CNTNAP2: variants seen among roughly 807,000 people sequenced by gnomAD.
The protein encoded by CNTNAP2 is contactin associated protein 2.
In CNTNAP2, 98 loss-of-function variants were observed where a neutral mutation model predicts 155.2. The observed-to-expected ratio is 0.63, with a 90% CI of 0.54 to 0.75. The LOEUF (loss-of-function observed/expected upper bound fraction) is 0.75, where lower values mean the gene tolerates loss of function less well. Among genes scored for constraint, CNTNAP2 ranks in the 30% least tolerant of loss-of-function variants. CNTNAP2 has a pLI of 0.00. For missense variants in CNTNAP2, 1,727 were observed against 1,688.1 expected (o/e 1.02, Z -0.40); for synonymous variants, 651 against 631.2 (o/e 1.03, Z -0.47).
chr7:147,839,228 C>G (rs1563106853), intron 13 of CNTNAP2, among the ~76,000 whole-genome samples: 1 of 152,148 alleles, frequency 6.6e-6, no homozygotes. Context: ...TTCCCCAGTC[C>G]ATTGACTCAA....
chr7:146,895,270 T>G (rs1795852541), intron 3 of CNTNAP2, among the ~76,000 whole-genome samples: 1 of 137,224 alleles, frequency 7.3e-6, no homozygotes, highest in South Asian at 2.4e-4. Context: ...TTCCCCTTCC[T>G]TCTTTCCTTC....
chr7:146,855,852 T>TAC (rs1216766767), intron 3 of CNTNAP2, among the ~76,000 whole-genome samples: 1,571 of 99,574 alleles, frequency 0.016, 20 homozygotes, highest in Middle Eastern at 0.031. Flanking sequence ...TATATATATA[T>TAC]ACACACTTAC....
Position 146,774,325 on chromosome 7 carries a change from C to A in CNTNAP2, c.152C>A (p.Ser51Tyr). Residue 51 changes from serine (S) to tyrosine (Y), a missense_variant, in exon 2 of 24, where the codon TCC becomes TAC. Physicochemically the swap from Ser to Tyr is moderately radical, Grantham distance 144. Transcript: ENST00000361727. ...SGLPHVAFSSSSSISGSYSPG... is the reference protein window; with the variant it reads ...SGLPHVAFSSYSSISGSYSPG... The stretch of plus-strand genomic sequence containing the variant: ...CTCCCCCATGTGGCTTTCAGCAGCT[C>A]CTCCTCCATCTCTGGTAGCTATTCT... 6.2e-7 allele frequency: 1 copy of A among 1,614,002 alleles called. No homozygotes were observed. The highest frequency in any genetic ancestry group is 8.5e-7 in the Non-Finnish European group (1 of 1,179,958).
intron 1 of CNTNAP2, among the ~76,000 whole-genome samples, chr7:146,270,679 T>G (rs1800067606): frequency 6.6e-6 from 1 of 152,296 alleles, no homozygotes; most frequent in Middle Eastern, 3.4e-3. Flanking sequence ...GACCAAAGAT[T>G]ATCTACCACT....
At chr7:147,203,783 A>G (rs1449903786) in intron 8 of CNTNAP2, among the ~76,000 whole-genome samples, 1 of 152,198 alleles carries the variant, frequency 6.6e-6, no homozygotes, top group Non-Finnish European at 1.5e-5. Flanking sequence ...TGAACTATGT[A>G]TACCTGACAC....
At chr7:146,487,138 A>G (rs982419841) in intron 1 of CNTNAP2, among the ~76,000 whole-genome samples, 3 of 152,326 alleles carry the variant, frequency 2.0e-5, no homozygotes, top group Middle Eastern at 3.4e-3. Flanking sequence ...TCTCATTGAA[A>G]TAAGTCATTG....
chr7:146,931,992 G>T (rs1331998029), intron 3 of CNTNAP2, among the ~76,000 whole-genome samples: 1 of 151,020 alleles, frequency 6.6e-6, no homozygotes, highest in Non-Finnish European at 1.5e-5. Flanking sequence ...ATTCACAGCC[G>T]AATTCTACCA....
chr7:148,325,885 A>G (rs905271576), intron 21 of CNTNAP2, among the ~76,000 whole-genome samples: 1 of 152,184 alleles, frequency 6.6e-6, no homozygotes, highest in Non-Finnish European at 1.5e-5. Context: ...GGAAGGGGAA[A>G]GAGAGAGGTT....
At chr7:147,486,609 T>C (rs1376389814) in intron 11 of CNTNAP2, among the ~76,000 whole-genome samples, 1 of 152,066 alleles carries the variant, frequency 6.6e-6, no homozygotes, top group Admixed American at 6.5e-5. Flanking sequence ...TATTTTAAAA[T>C]GGCAAAAATA....
At chr7:146,448,410 TA>T (rs1796432459) in intron 1 of CNTNAP2, among the ~76,000 whole-genome samples, 1 of 151,970 alleles carries the variant, frequency 6.6e-6, no homozygotes, top group Admixed American at 6.6e-5. Flanking sequence ...TTTAACTTTT[TA>T]AAGTTATTTT....
chr7:148,286,884 T>C (rs1797093651), intron 21 of CNTNAP2, among the ~76,000 whole-genome samples: 1 of 152,214 alleles, frequency 6.6e-6, no homozygotes, highest in Admixed American at 6.5e-5. Flanking sequence ...ACATAGTTTC[T>C]CTTCTTATTA....
intron 3 of CNTNAP2, among the ~76,000 whole-genome samples, chr7:146,887,147 TG>T (rs1459322063): frequency 1.3e-5 from 2 of 151,930 alleles, no homozygotes; most frequent in African/African-American, 4.8e-5. Flanking sequence ...ATAGTTTTTT[TG>T]TTTGTTTGTT....
At chr7:146,913,088 A>G (rs1270876217) in intron 3 of CNTNAP2, among the ~76,000 whole-genome samples, 2 of 152,198 alleles carry the variant, frequency 1.3e-5, no homozygotes, top group East Asian at 3.8e-4. Flanking sequence ...ATTCTGGGTT[A>G]GATAAATCAG....
rs762988199 is a variant in CNTNAP2 at position 146,886,321 on chromosome 7, TCTCA to T, written c.402+46420_402+46423del. ...TATCTTTATACCAAGATAGCACCAA[TCTCA>T]CTTTCAAAGCTGCCAAAATTTGCCC... On this transcript the variant is annotated intron_variant, in intron 3 of 23. Coordinates refer to ENST00000361727, the MANE Select transcript of CNTNAP2 (RefSeq NM_014141.6). 2.3e-4 allele frequency among the ~76,000 whole-genome samples: 35 copies of T among 150,512 alleles called. 2 individuals are homozygous for T. Among genetic ancestry groups the T allele is most frequent in the Admixed American group, 1.4e-3 (21 of 15,074 alleles).
chr7:147,355,306 A>C (rs533214813), intron 9 of CNTNAP2, among the ~76,000 whole-genome samples: 1 of 152,272 alleles, frequency 6.6e-6, no homozygotes, highest in African/African-American at 2.4e-5. Flanking sequence ...TGAGAGGGAA[A>C]TTTATAGCAC....
At chr7:147,056,040 T>C (rs1799555142) in intron 4 of CNTNAP2, among the ~76,000 whole-genome samples, 1 of 152,212 alleles carries the variant, frequency 6.6e-6, no homozygotes, top group Admixed American at 6.5e-5. Flanking sequence ...AGATGTTTGC[T>C]TTGTGTAAAT....
chr7:148,109,543 C>A lies in CNTNAP2; in HGVS notation c.2384-8575C>A, dbSNP rs1377726927. 2.0e-5 allele frequency among the ~76,000 whole-genome samples: 3 copies of A among 152,132 alleles called. No individual in the cohort carries two copies. In the East Asian group the frequency reaches 5.8e-4, roughly 29 times the overall value. On this transcript the variant is annotated intron_variant, in intron 15 of 23. Coordinates refer to ENST00000361727, the MANE Select transcript of CNTNAP2 (RefSeq NM_014141.6). ...GGGATTACAGGCATGCACCATCATGCCTGGCTAACTTTGTATTTTTAGTAG... is the reference window on the plus strand; with the variant it reads ...GGGATTACAGGCATGCACCATCATGACTGGCTAACTTTGTATTTTTAGTAG...
intron 14 of CNTNAP2, among the ~76,000 whole-genome samples, chr7:147,950,885 C>T (rs1445706078): frequency 4.6e-5 from 7 of 152,194 alleles, no homozygotes; most frequent in Non-Finnish European, 8.8e-5. Context: ...TACCAAAAAA[C>T]TTTGTTAAAT....
chr7:147,910,515 A>C (rs921649956), intron 14 of CNTNAP2, among the ~76,000 whole-genome samples: 3 of 151,928 alleles, frequency 2.0e-5, no homozygotes. Context: ...TTACACACCA[A>C]GACTGTATTA....
Sources: gnomAD v4.1 joint callset for allele counts (sites outside exome capture counted in the v4.1 genomes callset) on GRCh38, gnomAD v4.1.1 for gene constraint, MANE v1.5 for transcripts, NCBI Gene and HGNC (gene_info 2026-07-23, HGNC 2026-07-21) for gene names.